GSE1: variants seen among roughly 807,000 people sequenced by gnomAD.
GSE1 encodes the protein genetic suppressor element 1.
GSE1 carries 32 observed loss-of-function variants against 112.6 expected under a neutral mutation model. That is an observed-to-expected ratio of 0.28 (90% CI 0.21 to 0.38). The LOEUF is 0.38. Among genes scored for constraint, GSE1 ranks in the 10% least tolerant of loss-of-function variants. The pLI, the probability that GSE1 is intolerant of heterozygous loss-of-function variation, is 1.00. For missense variants in GSE1, 2,348 were observed against 1,699.2 expected (o/e 1.38, Z -6.71); for synonymous variants, 1,115 against 735.6 (o/e 1.52, Z -8.35).
chr16:85,653,771 C>T lies in GSE1; in HGVS notation c.427-507C>T, dbSNP rs899972273. 4.6e-5 allele frequency among the ~76,000 whole-genome samples: 7 copies of T among 152,142 alleles called. No individual in the cohort carries two copies. The South Asian group carries it at 6.2e-4, about 14-fold the overall frequency. ...CAGTGCCAGCTTCCTTTGCCCCTGC[C>T]CTCCACGTGGGCACCAGGGCCAGGA... is the stretch of plus-strand genomic sequence containing the variant. On this transcript the variant is annotated intron_variant, in intron 3 of 15. Coordinates refer to ENST00000253458, the MANE Select transcript of GSE1 (RefSeq NM_014615.5).
rs539325763 is a variant in GSE1 at position 85,619,830 on chromosome 16, AG to A, written c.7+6436del. Among the ~76,000 whole-genome samples, 844 of 152,196 alleles carry A rather than the reference AG, an allele frequency of 5.5e-3. 9 individuals are homozygous for A. Among genetic ancestry groups the A allele is most frequent in the African/African-American group, 0.019 (808 of 41,542 alleles). ...CATTTAGCCATGCACCAGGGAAGAA[AG>A]GGGCCCCGGGGATCCATATCCTCCC... On this transcript the variant is annotated intron_variant, in intron 1 of 15. Coordinates refer to ENST00000253458, the MANE Select transcript of GSE1 (RefSeq NM_014615.5).
chr16:85,498,528 TAC>T (rs1177313784), intron 2 of GSE1, among the ~76,000 whole-genome samples: 1 of 150,646 alleles, frequency 6.6e-6, no homozygotes, highest in Non-Finnish European at 1.5e-5. Context: ...TACATGCATG[TAC>T]ACAGACATCC....
At chr16:85,397,531 C>T (rs1297983901) in intron 2 of GSE1, among the ~76,000 whole-genome samples, 2 of 152,208 alleles carry the variant, frequency 1.3e-5, no homozygotes, top group Admixed American at 6.5e-5. Flanking sequence ...TCTGTCTGCC[C>T]CCCGCCGCTG....
chr16:85,451,448 T>A (rs1567497797), intron 2 of GSE1, among the ~76,000 whole-genome samples: 1 of 136,066 alleles, frequency 7.3e-6, no homozygotes, highest in East Asian at 2.3e-4. Context: ...TTGGTGTGTG[T>A]GCTGGTGGTT....
chr16:85,634,218 A>C (rs919867557), intron 2 of GSE1, 86 bp downstream of exon 2: 28 of 928,370 alleles, frequency 3.0e-5, no homozygotes, highest in South Asian at 1.3e-4. Flanking sequence ...GTGCACGCTC[A>C]CAGCAGGTCT....
At chr16:85,304,815 T>C (rs1312654782) in intron 1 of GSE1, among the ~76,000 whole-genome samples, 2 of 152,222 alleles carry the variant, frequency 1.3e-5, no homozygotes, top group Non-Finnish European at 2.9e-5. Context: ...AATGACTCAA[T>C]GTCCCCCTCT....
At chr16:85,347,151 C>T (rs965387549) in intron 1 of GSE1, among the ~76,000 whole-genome samples, 3 of 151,960 alleles carry the variant, frequency 2.0e-5, no homozygotes, top group Admixed American at 6.6e-5. Flanking sequence ...TAGCCGGAGG[C>T]TCTCACCCTT....
intron 1 of GSE1, among the ~76,000 whole-genome samples, chr16:85,173,497 C>T (rs1176724484): frequency 6.6e-6 from 1 of 152,174 alleles, no homozygotes; most frequent in East Asian, 1.9e-4. Context: ...GTGTCCTCCA[C>T]CCTGGTGCAT....
chr16:85,480,569 C>T (rs1391197240), intron 2 of GSE1, among the ~76,000 whole-genome samples: 1 of 152,220 alleles, frequency 6.6e-6, no homozygotes, highest in African/African-American at 2.4e-5. Flanking sequence ...CACCTTCCCC[C>T]GCCACCCAGA....
intron 1 of GSE1, among the ~76,000 whole-genome samples, chr16:85,273,347 G>A (rs1198416468): frequency 2.6e-5 from 4 of 152,220 alleles, no homozygotes; most frequent in African/African-American, 9.6e-5. Flanking sequence ...TTAAGGGAAC[G>A]TGTGCCCAGA....
chr16:85,588,996 C>G (rs753674709), intron 1 of GSE1, among the ~76,000 whole-genome samples: 1 of 152,182 alleles, frequency 6.6e-6, no homozygotes, highest in African/African-American at 2.4e-5. Context: ...CATATACTCA[C>G]ACATCTGCGG....
intron 2 of GSE1, among the ~76,000 whole-genome samples, chr16:85,484,548 C>T (rs1382615906): frequency 6.6e-6 from 1 of 152,248 alleles, no homozygotes; most frequent in Non-Finnish European, 1.5e-5. Flanking sequence ...CTCCGCGACA[C>T]AGCAGGGGCC....
intron 2 of GSE1, among the ~76,000 whole-genome samples, chr16:85,379,819 G>A (rs1396668516): frequency 6.6e-6 from 1 of 152,190 alleles, no homozygotes; most frequent in Non-Finnish European, 1.5e-5. Flanking sequence ...AGATCGCTGT[G>A]CTCCTCCCCC....
At chr16:85,382,320 C>T (rs538694303) in intron 2 of GSE1, among the ~76,000 whole-genome samples, 3 of 152,298 alleles carry the variant, frequency 2.0e-5, no homozygotes, top group African/African-American at 7.2e-5. Context: ...CAGGGACGGC[C>T]GCCTTGTAGT....
intron 1 of GSE1, among the ~76,000 whole-genome samples, chr16:85,302,721 T>C (rs1354196625): frequency 6.6e-6 from 1 of 152,050 alleles, no homozygotes; most frequent in African/African-American, 2.4e-5. Context: ...GTAATTCTGG[T>C]GTAGGGGGCC....
intron 3 of GSE1, among the ~76,000 whole-genome samples, chr16:85,653,392 C>CCTGCGTGTGTGCGGGGCAGCCT (rs2051606671): frequency 1.4e-5 from 2 of 144,300 alleles, no homozygotes; most frequent in Admixed American, 1.4e-4. Context: ...CGGGCTGGAC[C>CCTGCGTGTGTGCGGGGCAGCCT]CTGCGTGTGT....
intron 1 of GSE1, among the ~76,000 whole-genome samples, chr16:85,296,359 C>G (rs529200502): frequency 1.3e-5 from 2 of 152,248 alleles, no homozygotes. Context: ...AATCCCAGCA[C>G]TTTGGGAGGC....
rs138111728 is a variant in GSE1 at position 85,224,617 on chromosome 16, G to A, written c.2283+52810G>A. On this transcript the variant is annotated intron_variant, in intron 1 of 2. Coordinates refer to the GSE1 transcript ENST00000637419. ...TGTTCTTGGTGATGGTGGTGTAGCC[G>A]TGGACGACAGCTCCATCCCTTCCCC... Among the ~76,000 whole-genome samples, 77 of 152,242 alleles carry A rather than the reference G, an allele frequency of 5.1e-4. 1 individual carries two copies. In the East Asian group the frequency reaches 0.011, roughly 23 times the overall value.
intron 1 of GSE1, among the ~76,000 whole-genome samples, chr16:85,341,828 T>A (rs2046630004): frequency 6.6e-6 from 1 of 151,862 alleles, no homozygotes; most frequent in Non-Finnish European, 1.5e-5. Context: ...ATGTGTGAGT[T>A]TCAGATGGGC....
Sources: gnomAD v4.1 joint callset for allele counts (sites outside exome capture counted in the v4.1 genomes callset) on GRCh38, gnomAD v4.1.1 for gene constraint, MANE v1.5 for transcripts, NCBI Gene and HGNC (gene_info 2026-07-23, HGNC 2026-07-21) for gene names.